Variants in RUNDC1 observed in about 807,000 individuals in gnomAD.
The protein encoded by RUNDC1 is RUN domain containing 1.
RUNDC1 carries 31 observed loss-of-function variants against 49.3 expected under a neutral mutation model. The observed-to-expected ratio is 0.63, with a 90% CI of 0.47 to 0.85. The LOEUF is 0.85. Ranked by LOEUF, RUNDC1 falls within the 40% of genes least tolerant of loss-of-function variation. RUNDC1 has a pLI of 0.00. For missense variants in RUNDC1, 715 were observed against 806.7 expected, an observed-to-expected ratio of 0.89 and a Z score of 1.38; for synonymous variants, 347 against 348.6, an observed-to-expected ratio of 1.00 and a Z score of 0.05.
At position 42,990,878 on chromosome 17, in the gene RUNDC1, G is replaced by A. The variant is rs572946898; in HGVS notation, c.1004G>A (p.Arg335Gln). ...KTKAEDVKKV[R>Q]ETGLHLMRRA... ...AAGGCAGAGGATGTGAAGAAAGTCC[G>A]GGAGACGGGGCTGCACCTGATGCGG... is the stretch of plus-strand genomic sequence containing the variant. The change falls in exon 5 of 5, where the codon CGG becomes CAG. Residue 335 changes from arginine (R) to glutamine (Q), a missense_variant. This residue lies in a region of RUNDC1 where 425 missense variants were observed against 499.7 expected (regional missense o/e 0.85). Transcript: ENST00000361677. 2.8e-5 allele frequency: 45 copies of A among 1,602,538 alleles called. No individual in the cohort carries two copies. In the South Asian group the frequency reaches 3.1e-4, roughly 11 times the overall value.
chr17:42,988,898 G>C (rs2050203366), intron 2 of RUNDC1, among the ~76,000 whole-genome samples: 1 of 152,156 alleles, frequency 6.6e-6, no homozygotes, highest in Non-Finnish European at 1.5e-5. Flanking sequence ...GATTGCTTGA[G>C]CACAGGAGTT....
chr17:42,980,594 G>T lies in RUNDC1; in HGVS notation c.18G>T (p.Ala6=), dbSNP rs1567727271. 1.2e-6 allele frequency: 2 copies of T among 1,609,764 alleles called. No homozygotes were observed. Among genetic ancestry groups the T allele is most frequent in the Non-Finnish European group, 8.5e-7 (1 of 1,179,176 alleles). The part of the protein sequence containing the change: MAAVE[A]AAEPVTVVAA... The stretch of plus-strand genomic sequence containing the variant: ...CCGGGAAGATGGCGGCTGTCGAAGC[G>T]GCTGCAGAGCCGGTAACGGTGGTGG... Residue 6 remains alanine, a synonymous_variant, in exon 1 of 5, where the codon GCG becomes GCT. Coordinates refer to ENST00000361677, the MANE Select transcript of RUNDC1 (RefSeq NM_173079.5).
chr17:42,989,469 C>T lies in RUNDC1; in HGVS notation c.786C>T (p.Val262=), dbSNP rs754705402. 5 of 1,614,078 alleles carry T rather than the reference C, an allele frequency of 3.1e-6. No homozygotes were observed. Among genetic ancestry groups the T allele is most frequent in the Non-Finnish European group, 4.2e-6 (5 of 1,180,024 alleles). The change falls in exon 3 of 5, where the codon GTC becomes GTT. Residue 262 remains valine (V), a synonymous_variant. Coordinates refer to ENST00000361677, the MANE Select transcript of RUNDC1 (RefSeq NM_173079.5). ...CTCAGATCGTCAACCCAGCCCGAGTCAAAGAACAGTTGGTTGAGCAACTGA... is the reference window on the plus strand; with the variant it reads ...CTCAGATCGTCAACCCAGCCCGAGTTAAAGAACAGTTGGTTGAGCAACTGA... ...AVAQIVNPAR[V]KEQLVEQLKT... is the part of the protein sequence containing the mutation.
intron 1 of RUNDC1, chr17:42,981,408 G>T (rs928615213): frequency 1.8e-4 from 54 of 298,066 alleles, no homozygotes; most frequent in Admixed American, 2.6e-4. Context: ...TTTCCCTCAC[G>T]TATCTCAGTC....
At chr17:42,986,909 A>G (rs1302094835) in intron 1 of RUNDC1, among the ~76,000 whole-genome samples, 4 of 152,080 alleles carry the variant, frequency 2.6e-5, no homozygotes, top group African/African-American at 9.7e-5. Context: ...GGCTGTGGAG[A>G]ATGGCATGTC....
In RUNDC1 at chr17:42,980,822, G is replaced by C; in HGVS notation, c.246G>C (p.Arg82=). ...PPDSPGRTLR[R]LRAERRRLDS... is the part of the protein sequence containing the mutation. ...ATTCGCCGGGCCGGACGCTGCGGCG[G>C]CTGCGGGCAGAGCGGCGGCGGCTGG... The change falls in exon 1 of 5, where the codon CGG becomes CGC. Residue 82 remains arginine, a synonymous_variant. Coordinates refer to ENST00000361677, the MANE Select transcript of RUNDC1 (RefSeq NM_173079.5). 1 of 1,375,718 alleles carries C rather than the reference G, an allele frequency of 7.3e-7. No individual in the cohort carries two copies. The highest frequency in any genetic ancestry group is 9.3e-7 in the Non-Finnish European group (1 of 1,075,924). The allele number at this position is 1,375,718 out of a possible 1,614,324, so 85.2% of individuals were successfully genotyped here.
chr17:42,990,503 T>A (rs1232273245), intron 4 of RUNDC1, 67 bp downstream of exon 4: 2 of 1,522,934 alleles, frequency 1.3e-6, no homozygotes, highest in Admixed American at 3.6e-5. Flanking sequence ...TGCCTAGGGC[T>A]TGGGTGTGTT....
chr17:42,989,669 C>A, intron 3 of RUNDC1, 130 bp downstream of exon 3: 2 of 824,002 alleles, frequency 2.4e-6, no homozygotes, highest in Non-Finnish European at 3.8e-6. Flanking sequence ...GTGTCTCTCT[C>A]TGTTCCCCTG....
chr17:42,989,929 C>A (rs1405216844), intron 3 of RUNDC1, among the ~76,000 whole-genome samples: 1 of 152,146 alleles, frequency 6.6e-6, no homozygotes, highest in Non-Finnish European at 1.5e-5. Context: ...GCCACCATGC[C>A]CAGCCAAAAG....
intron 1 of RUNDC1, among the ~76,000 whole-genome samples, chr17:42,986,431 G>C (rs2050172199): frequency 6.6e-6 from 1 of 151,996 alleles, no homozygotes; most frequent in South Asian, 2.1e-4. Context: ...TGATTCTTTT[G>C]ATTTTTCAGA....
At position 42,986,657 on chromosome 17, in the gene RUNDC1, C is replaced by G. The variant is rs190762481; in HGVS notation, c.499-599C>G. 6.2e-4 allele frequency among the ~76,000 whole-genome samples: 95 copies of G among 152,178 alleles called. 1 individual carries two copies. Among genetic ancestry groups the G allele is most frequent in the African/African-American group, 2.0e-3 (81 of 41,530 alleles). ...GGACTACAGGCGCCCGCCACCACAC[C>G]CGGCTAATTTTTTTTTTGTATTTTT... is the stretch of plus-strand genomic sequence containing the variant. On this transcript the variant is annotated intron_variant, in intron 1 of 4. Transcript: ENST00000361677.
rs1459016017 is a variant in RUNDC1 at position 42,980,757 on chromosome 17, A to G, written c.181A>G (p.Thr61Ala). Residue 61 changes from threonine (T) to alanine (A), a missense_variant, in exon 1 of 5, where the codon ACG (threonine) becomes GCG (alanine). Around this residue, in one of 5 missense-constraint regions of RUNDC1, gnomAD observed 153 missense variants for 139.4 expected, o/e 1.10. Coordinates refer to ENST00000361677, the MANE Select transcript of RUNDC1 (RefSeq NM_173079.5). ...PGATAFLEEA[T>A]AEEPGAAPGS... ...GGCAACCGCGTTTTTAGAAGAGGCG[A>G]CGGCCGAGGAGCCTGGCGCGGCCCC... 2 of 1,515,276 alleles carry G rather than the reference A, an allele frequency of 1.3e-6. No homozygotes were observed. Among genetic ancestry groups the G allele is most frequent in the African/African-American group, 1.4e-5 (1 of 70,242 alleles). The allele number at this position is 1,515,276 out of a possible 1,614,324, so 93.9% of individuals were successfully genotyped here.
Position 42,992,684 on chromosome 17 carries a change from G to A in RUNDC1, c.*968G>A, listed in dbSNP as rs1164417857. On this transcript the variant is annotated 3_prime_UTR_variant, in exon 5 of 5. Coordinates refer to ENST00000361677, the MANE Select transcript of RUNDC1 (RefSeq NM_173079.5). ...AGGCCAGAATTTAAATTCCTTTTAT[G>A]AATAGATTTCCCTTTCTTCCTGACC... 6.6e-6 allele frequency: 1 copy of A among 151,264 alleles called. No individual in the cohort carries two copies. Among genetic ancestry groups the A allele is most frequent in the East Asian group, 2.0e-4 (1 of 5,104 alleles). 9.4% of individuals were successfully genotyped at this position (151,264 alleles called of 1,614,324 possible). A position where few individuals can be genotyped will look rare whatever the true frequency, so the allele number is the denominator to read the frequency against.
In RUNDC1 at chr17:42,987,366, G is replaced by A. The variant is rs1160265345; in HGVS notation, c.609G>A (p.Glu203=). The change falls in exon 2 of 5, where the codon GAG becomes GAA. Residue 203 remains glutamate, a synonymous_variant. Coordinates refer to ENST00000361677, the MANE Select transcript of RUNDC1 (RefSeq NM_173079.5). ...ACCTGGAAACGTTTGCCTATCAAGA[G>A]GGCAGTTATGACTCGCTGCCACAGT... ...LDDLETFAYQ[E]GSYDSLPQSV... The A allele has an allele frequency of 1.9e-6, 3 of 1,614,150 alleles. No homozygotes were observed. The highest frequency in any genetic ancestry group is 2.5e-6 in the Non-Finnish European group (3 of 1,180,012).
intron 1 of RUNDC1, among the ~76,000 whole-genome samples, chr17:42,986,182 G>A (rs1025882297): frequency 1.3e-5 from 2 of 151,540 alleles, no homozygotes; most frequent in Non-Finnish European, 2.9e-5. Context: ...CTTTGAGACA[G>A]GGTCTTGTGA....
chr17:42,984,889 C>CTTTTTTTTTTTTTTTTTTTTTTTTTTTT (rs56228523), intron 1 of RUNDC1, among the ~76,000 whole-genome samples: 19 of 65,324 alleles, frequency 2.9e-4, no homozygotes, highest in African/African-American at 4.2e-4. Flanking sequence ...TTCTTTCTTT[C>CTTTTTTTTTTTTTTTTTTTTTTTTTTTT]TTTTTTTTTT....
rs773119716 is a variant in RUNDC1 at position 42,980,682 on chromosome 17, G to A, written c.106G>A (p.Glu36Lys). 8.3e-6 allele frequency: 13 copies of A among 1,573,880 alleles called. No individual in the cohort carries two copies. In the South Asian group the frequency reaches 1.5e-4, roughly 18 times the overall value. Residue 36 changes from glutamate to lysine, a missense_variant, in exon 1 of 5, where the codon GAG becomes AAG. This residue lies in a region of RUNDC1 where 153 missense variants were observed against 139.4 expected (regional missense o/e 1.10). Coordinates refer to ENST00000361677, the MANE Select transcript of RUNDC1 (RefSeq NM_173079.5). ...GGAAGAGGAGCCGCTGCCACCGTGC[G>A]AGGCGGTGCGCTGGGCCCCAGTGGG... is the stretch of plus-strand genomic sequence containing the variant. ...EEEEEPLPPC[E>K]AVRWAPVGAV...
Position 42,993,029 on chromosome 17 carries a change from T to C in RUNDC1, c.*1313T>C, listed in dbSNP as rs753122429. On this transcript the variant is annotated 3_prime_UTR_variant, in exon 5 of 5. Coordinates refer to ENST00000361677, the MANE Select transcript of RUNDC1 (RefSeq NM_173079.5). Reference sequence around the variant, plus strand: ...TCAAGACAAACGAGAAAATCCTGGCTACCCAAGTCGAGTATATACAGGAAT... The same window carrying C: ...TCAAGACAAACGAGAAAATCCTGGCCACCCAAGTCGAGTATATACAGGAAT... 1.2e-4 allele frequency: 18 copies of C among 152,236 alleles called. No homozygotes were observed. Among genetic ancestry groups the C allele is most frequent in the Non-Finnish European group, 2.2e-4 (15 of 68,048 alleles). The allele number at this position is 152,236 out of a possible 1,614,324, so 9.4% of individuals were successfully genotyped here. A position where few individuals can be genotyped will look rare whatever the true frequency, so the allele number is the denominator to read the frequency against.
chr17:42,987,572 C>G (rs2050187732), intron 2 of RUNDC1, among the ~76,000 whole-genome samples, 158 bp downstream of exon 2: 1 of 152,138 alleles, frequency 6.6e-6, no homozygotes, highest in African/African-American at 2.4e-5. Context: ...TATGAGGAAC[C>G]TTTCTTTGCT....
Sources: gnomAD v4.1 joint callset for allele counts (sites outside exome capture counted in the v4.1 genomes callset) on GRCh38, gnomAD v4.1.1 for gene constraint, gnomAD v4.1.1 regional missense constraint, MANE v1.5 for transcripts, NCBI Gene and HGNC (gene_info 2026-07-23, HGNC 2026-07-21) for gene names.